ANKRD11: variants seen among roughly 807,000 people sequenced by gnomAD.
The protein encoded by ANKRD11 is ankyrin repeat domain 11.
A neutral mutation model predicts 195.7 loss-of-function variants in ANKRD11; 17 were observed. That is an observed-to-expected ratio of 0.09 (90% CI 0.06 to 0.13). The LOEUF is 0.13. ANKRD11 is among the 10% of genes least tolerant of loss of function. The probability of loss-of-function intolerance (pLI) is 1.00; values close to 1 mark genes in which losing one functional copy is unlikely to be tolerated. For missense variants in ANKRD11, 3,735 were observed against 3,566.1 expected (o/e 1.05, Z -1.21); for synonymous variants, 1,953 against 1,528.1 (o/e 1.28, Z -6.49).
chr16:89,331,697 T>G (rs1398938593), intron 2 of ANKRD11, among the ~76,000 whole-genome samples: 4 of 152,194 alleles, frequency 2.6e-5, no homozygotes, highest in African/African-American at 9.6e-5. Context: ...CACAGCTCCC[T>G]ACAGCCTCGA....
chr16:89,369,034 A>AC lies in ANKRD11; in HGVS notation c.-60+49249dup, dbSNP rs933198220. ...CAAGATGTAAGCAGCAGACTGAGAG[A>AC]CCCCCCACTGGCACCCATTCCTCCA... is the stretch of plus-strand genomic sequence containing the variant. On this transcript the variant is annotated intron_variant, in intron 2 of 12. Coordinates refer to ENST00000301030, the MANE Select transcript of ANKRD11 (RefSeq NM_013275.6). Among the ~76,000 whole-genome samples, 14 of 151,612 alleles carry AC rather than the reference A, an allele frequency of 9.2e-5. No individual in the cohort carries two copies. In the South Asian group the frequency reaches 2.1e-3, roughly 23 times the overall value.
intron 1 of ANKRD11, among the ~76,000 whole-genome samples, chr16:89,450,544 C>A (rs2044023566): frequency 6.6e-6 from 1 of 152,198 alleles, no homozygotes; most frequent in African/African-American, 2.4e-5. Flanking sequence ...TGTTTTAGTA[C>A]TGATTGCAGA....
At chr16:89,326,053 AG>A (rs2037698172) in intron 2 of ANKRD11, among the ~76,000 whole-genome samples, 1 of 152,228 alleles carries the variant, frequency 6.6e-6, no homozygotes, top group Admixed American at 6.5e-5. Flanking sequence ...GTGAAGACGA[AG>A]GGGAGGAGGA....
intron 1 of ANKRD11, among the ~76,000 whole-genome samples, chr16:89,480,805 C>T (rs1056542532): frequency 6.6e-5 from 10 of 152,140 alleles, no homozygotes; most frequent in African/African-American, 2.4e-4. Context: ...ACACATCTGC[C>T]GAGCTGAGCA....
At chr16:89,379,259 A>G (rs958459763) in intron 2 of ANKRD11, among the ~76,000 whole-genome samples, 7 of 152,156 alleles carry the variant, frequency 4.6e-5, no homozygotes, top group African/African-American at 1.4e-4. Context: ...TTTTAATCCT[A>G]TCTTGAAAAC....
chr16:89,409,663 C>G (rs1042472993), intron 2 of ANKRD11, among the ~76,000 whole-genome samples: 2 of 152,180 alleles, frequency 1.3e-5, no homozygotes, highest in Non-Finnish European at 2.9e-5. Flanking sequence ...AACACACACA[C>G]ACACGAAAAC....
chr16:89,271,004 A>G, intron 11 of ANKRD11, 95 bp from the exon 12 acceptor site: 1 of 1,150,970 alleles, frequency 8.7e-7, no homozygotes, highest in Non-Finnish European at 1.3e-6. Context: ...ACCGTTCTCA[A>G]GGGACAACCA....
intron 2 of ANKRD11, among the ~76,000 whole-genome samples, chr16:89,393,833 G>A (rs1440030088): frequency 1.3e-5 from 2 of 152,166 alleles, no homozygotes; most frequent in East Asian, 1.9e-4. Flanking sequence ...TGAATAGGAG[G>A]AGACATGTCA....
intron 2 of ANKRD11, among the ~76,000 whole-genome samples, chr16:89,318,257 C>A (rs1008456853): frequency 5.3e-5 from 8 of 152,230 alleles, no homozygotes. Context: ...CTCCTCCCTG[C>A]CTGTGGGCCT....
At chr16:89,367,754 T>C (rs1044178854) in intron 2 of ANKRD11, among the ~76,000 whole-genome samples, 1 of 152,194 alleles carries the variant, frequency 6.6e-6, no homozygotes, top group Non-Finnish European at 1.5e-5. Context: ...CCCCAGCGGC[T>C]GCATGTCCAC....
intron 2 of ANKRD11, chr16:89,361,665 A>T (rs1319768220): frequency 6.6e-6 from 1 of 152,256 alleles, no homozygotes; most frequent in Non-Finnish European, 1.5e-5. Flanking sequence ...AGGCTCAGGG[A>T]GACCTTCCAC....
chr16:89,445,527 C>T (rs1184081307), intron 1 of ANKRD11, among the ~76,000 whole-genome samples: 1 of 152,116 alleles, frequency 6.6e-6, no homozygotes, highest in African/African-American at 2.4e-5. Flanking sequence ...GAGGATGATC[C>T]GTCCTCCAAA....
chr16:89,338,943 T>C (rs1398759274), intron 2 of ANKRD11, among the ~76,000 whole-genome samples: 1 of 152,090 alleles, frequency 6.6e-6, no homozygotes, highest in East Asian at 1.9e-4. Flanking sequence ...TTTAAACCCA[T>C]AATGAAAGCA....
intron 4 of ANKRD11, among the ~76,000 whole-genome samples, chr16:89,297,130 C>T (rs1405644285): frequency 6.6e-6 from 1 of 152,228 alleles, no homozygotes; most frequent in Non-Finnish European, 1.5e-5. Context: ...GGTGTGTGGC[C>T]TCAGCTGCTC....
intron 2 of ANKRD11, among the ~76,000 whole-genome samples, chr16:89,318,232 T>C (rs1037741736): frequency 1.3e-5 from 2 of 152,178 alleles, no homozygotes; most frequent in African/African-American, 4.8e-5. Flanking sequence ...GCATGGACAC[T>C]CTCGGAGCAT....
At chr16:89,422,872 CTTTTTTCT>C in intron 1 of ANKRD11, among the ~76,000 whole-genome samples, 1 of 152,316 alleles carries the variant, frequency 6.6e-6, no homozygotes, top group Admixed American at 6.5e-5. Context: ...ACTTTAATCA[CTTTTTTCT>C]TTTTTTCTTT....
chr16:89,386,052 C>A (rs557791926), intron 2 of ANKRD11, among the ~76,000 whole-genome samples: 1 of 152,356 alleles, frequency 6.6e-6, no homozygotes, highest in African/African-American at 2.4e-5. Context: ...CAAACTGGGT[C>A]CAATTTGTCT....
At chr16:89,306,541 G>C (rs1279522644) in intron 3 of ANKRD11, among the ~76,000 whole-genome samples, 1 of 89,332 alleles carries the variant, frequency 1.1e-5, no homozygotes, top group Non-Finnish European at 2.2e-5. Flanking sequence ...GCAGACACGC[G>C]CCACTTACCT....
chr16:89,313,686 G>A, intron 3 of ANKRD11: 2 of 1,071,450 alleles, frequency 1.9e-6, no homozygotes, highest in Non-Finnish European at 2.5e-6. Flanking sequence ...CCTGTACCAG[G>A]AGAAGGCAGG....
Sources: gnomAD v4.1 joint callset for allele counts (sites outside exome capture counted in the v4.1 genomes callset) on GRCh38, gnomAD v4.1.1 for gene constraint, MANE v1.5 for transcripts, NCBI Gene and HGNC (gene_info 2026-07-23, HGNC 2026-07-21) for gene names.